The following KANSL1 variants were observed in gnomAD, a reference collection of about 807,000 sequenced individuals.
The protein encoded by KANSL1 is MLL1/MLL complex subunit KANSL1.
Under a neutral mutation model 103.6 loss-of-function variants are expected in KANSL1, and 22 were observed. That is an observed-to-expected ratio of 0.21 (90% CI 0.15 to 0.30). The LOEUF is 0.30. Ranked by LOEUF, KANSL1 falls within the 10% of genes least tolerant of loss-of-function variation. KANSL1 has a pLI of 1.00. For synonymous variants in KANSL1, 600 were observed against 527.6 expected (o/e 1.14, Z -1.88); for missense variants, 1,337 against 1,399.8 (o/e 0.96, Z 0.72).
At chr17:46,173,620 T>C (rs1398799907) in intron 1 of KANSL1, among the ~76,000 whole-genome samples, 2 of 152,236 alleles carry the variant, frequency 1.3e-5, no homozygotes, top group Non-Finnish European at 2.9e-5. Context: ...TATCTGCCTT[T>C]TACACTGTGT....
At chr17:46,175,310 CTGTGTGTGTGTGTGTGTGTGTGTGTGTG>C (rs71138529) in intron 1 of KANSL1, among the ~76,000 whole-genome samples, 7 of 137,478 alleles carry the variant, frequency 5.1e-5, no homozygotes, top group Non-Finnish European at 1.1e-4. Flanking sequence ...TGTCTTATTG[CTGTGTGTGTGTGTGTGTGTGTGTGTGTG>C]TGTGTGTGTG....
intron 4 of KANSL1, among the ~76,000 whole-genome samples, chr17:46,070,607 A>G (rs894829317): frequency 3.3e-5 from 5 of 152,184 alleles, no homozygotes; most frequent in Non-Finnish European, 7.4e-5. Flanking sequence ...GTATAACTTC[A>G]GGCATGTTAT....
chr17:46,047,922 A>C (rs62063672), intron 7 of KANSL1, among the ~76,000 whole-genome samples: 8 of 143,370 alleles, frequency 5.6e-5, no homozygotes, highest in South Asian at 2.2e-4. Context: ...TCCCCCCGCC[A>C]CCAAGACAGG....
intron 2 of KANSL1, among the ~76,000 whole-genome samples, chr17:46,167,439 T>C (rs564528527): frequency 6.6e-6 from 1 of 152,370 alleles, no homozygotes; most frequent in African/African-American, 2.4e-5. Context: ...AGCTTCCTTC[T>C]TAATCCCATA....
Position 46,172,174 on chromosome 17 carries a change from TC to T in KANSL1, c.-32del. On this transcript the variant is annotated 5_prime_UTR_variant, in exon 2 of 15. Coordinates refer to ENST00000432791, the MANE Select transcript of KANSL1 (RefSeq NM_015443.4). ...ACAGAGAGACAGGAAGTCCAGCCTC[TC>T]CCGATGCCGAGGCCGAGGCCAGCTC... 1 of 1,588,148 alleles carries T rather than the reference TC, an allele frequency of 6.3e-7. No individual in the cohort carries two copies. Among genetic ancestry groups the T allele is most frequent in the South Asian group, 1.1e-5 (1 of 90,122 alleles).
At chr17:46,148,590 CTT>C (rs373641135) in intron 2 of KANSL1, among the ~76,000 whole-genome samples, 4 of 145,134 alleles carry the variant, frequency 2.8e-5, no homozygotes, top group African/African-American at 7.6e-5. Context: ...CTTCACTTAC[CTT>C]TTTTTTTTTT....
intron 2 of KANSL1, among the ~76,000 whole-genome samples, chr17:46,121,823 T>C (rs1476606688): frequency 6.6e-6 from 1 of 152,170 alleles, no homozygotes; most frequent in Non-Finnish European, 1.5e-5. Flanking sequence ...AATTTGAAAA[T>C]ATCATAAGAT....
chr17:46,127,542 C>T (rs1598697088), intron 2 of KANSL1, among the ~76,000 whole-genome samples: 1 of 152,128 alleles, frequency 6.6e-6, no homozygotes, highest in African/African-American at 2.4e-5. Flanking sequence ...GAGGCCAAGG[C>T]GGACAGATTG....
chr17:46,107,293 C>T (rs557344552), intron 2 of KANSL1, among the ~76,000 whole-genome samples: 22 of 152,302 alleles, frequency 1.4e-4, no homozygotes, highest in African/African-American at 4.1e-4. Context: ...GGCAAATACT[C>T]ATTATTCTAA....
intron 2 of KANSL1, among the ~76,000 whole-genome samples, chr17:46,124,959 T>G (rs186004874): frequency 6.8e-6 from 1 of 148,134 alleles, no homozygotes; most frequent in African/African-American, 2.5e-5. Context: ...GCAAGATAAC[T>G]AGAATTAGAA....
At chr17:46,071,742 A>G (rs1598542294) in intron 4 of KANSL1, among the ~76,000 whole-genome samples, 2 of 152,234 alleles carry the variant, frequency 1.3e-5, no homozygotes, top group African/African-American at 4.8e-5. Context: ...AAAGAACTTA[A>G]GACTCTCCTA....
chr17:46,033,841 GATTTTTAT>G (rs1316609059), intron 11 of KANSL1, among the ~76,000 whole-genome samples: 2 of 152,190 alleles, frequency 1.3e-5, no homozygotes, highest in Non-Finnish European at 2.9e-5. Flanking sequence ...TGGAAACAAA[GATTTTTAT>G]GTGAAATCCT....
At chr17:46,187,409 A>G (rs1402221357) in intron 1 of KANSL1, among the ~76,000 whole-genome samples, 2 of 152,242 alleles carry the variant, frequency 1.3e-5, no homozygotes, top group African/African-American at 4.8e-5. Flanking sequence ...TAAAATTCAG[A>G]GTAAGATCTC....
intron 2 of KANSL1, among the ~76,000 whole-genome samples, chr17:46,107,676 C>T (rs569978325): frequency 1.3e-5 from 2 of 152,192 alleles, no homozygotes; most frequent in Non-Finnish European, 2.9e-5. Flanking sequence ...GCTGAAATCG[C>T]TCCCCTCAAC....
At chr17:46,168,574 C>A (rs1331019314) in intron 2 of KANSL1, among the ~76,000 whole-genome samples, 1 of 152,184 alleles carries the variant, frequency 6.6e-6, no homozygotes, top group Non-Finnish European at 1.5e-5. Flanking sequence ...CTCGAACTCT[C>A]AACCTCAAGT....
chr17:46,182,315 G>C (rs2046831017), intron 1 of KANSL1, among the ~76,000 whole-genome samples: 1 of 152,206 alleles, frequency 6.6e-6, no homozygotes, highest in Non-Finnish European at 1.5e-5. Flanking sequence ...GCATGAATCA[G>C]GTGGTATATG....
chr17:46,087,049 G>A (rs930352606), intron 3 of KANSL1, among the ~76,000 whole-genome samples: 1 of 152,140 alleles, frequency 6.6e-6, no homozygotes, highest in African/African-American at 2.4e-5. Context: ...TTGCAGGCAT[G>A]AGCCACTGTG....
intron 2 of KANSL1, among the ~76,000 whole-genome samples, chr17:46,128,545 T>C (rs144024841): frequency 3.9e-5 from 6 of 152,268 alleles, no homozygotes; most frequent in Non-Finnish European, 8.8e-5. Flanking sequence ...GAGAGTGAAG[T>C]TGTCCTTGTA....
chr17:46,031,884 G>C, intron 14 of KANSL1, 163 bp downstream of exon 14: 1 of 1,114,260 alleles, frequency 9.0e-7, no homozygotes, highest in East Asian at 2.6e-5. Flanking sequence ...ATTTAGCAGT[G>C]ATCAATACAG....
Sources: gnomAD v4.1 joint callset for allele counts (sites outside exome capture counted in the v4.1 genomes callset) on GRCh38, gnomAD v4.1.1 for gene constraint, MANE v1.5 for transcripts, NCBI Gene and HGNC (gene_info 2026-07-23, HGNC 2026-07-21) for gene names.